Variants in DPYD observed in about 807,000 individuals in gnomAD.
DPYD encodes the protein dihydropyrimidine dehydrogenase.
DPYD carries 109 observed loss-of-function variants against 116.2 expected under a neutral mutation model. The observed-to-expected ratio is 0.94, with a 90% CI of 0.80 to 1.10. The LOEUF (loss-of-function observed/expected upper bound fraction) is 1.10, where lower values mean the gene tolerates loss of function less well. Ranked by LOEUF, DPYD falls within the 50% of genes least tolerant of loss-of-function variation. DPYD has a pLI of 0.00. For missense variants in DPYD, 1,302 were observed against 1,254.5 expected (o/e 1.04, Z -0.57); for synonymous variants, 440 against 432.0 (o/e 1.02, Z -0.23).
intron 14 of DPYD, among the ~76,000 whole-genome samples, chr1:97,387,425 G>T (rs1461476736): frequency 6.6e-6 from 1 of 152,050 alleles, no homozygotes; most frequent in Non-Finnish European, 1.5e-5. Context: ...GAACAAGACA[G>T]AAAAAGTCCC....
At chr1:97,648,336 C>T (rs901731422) in intron 8 of DPYD, among the ~76,000 whole-genome samples, 4 of 152,048 alleles carry the variant, frequency 2.6e-5, no homozygotes, top group Non-Finnish European at 5.9e-5. Flanking sequence ...TGACTTAAAA[C>T]TAAGGTAAAA....
intron 13 of DPYD, among the ~76,000 whole-genome samples, chr1:97,468,576 C>G (rs529041250): frequency 2.2e-4 from 34 of 152,340 alleles, no homozygotes; most frequent in African/African-American, 7.5e-4. Flanking sequence ...AGAAACAAAT[C>G]TGTTGTTTAG....
chr1:97,446,736 T>C (rs968578419), intron 14 of DPYD, among the ~76,000 whole-genome samples: 6 of 152,102 alleles, frequency 3.9e-5, no homozygotes, highest in African/African-American at 1.4e-4. Flanking sequence ...TATTTTTTGT[T>C]AAAAAAAATT....
intron 13 of DPYD, among the ~76,000 whole-genome samples, chr1:97,487,477 T>A (rs1471367833): frequency 3.3e-5 from 5 of 151,966 alleles, no homozygotes; most frequent in Non-Finnish European, 1.5e-5. Context: ...ATCGACACCA[T>A]CCTGGCTAAC....
intron 16 of DPYD, among the ~76,000 whole-genome samples, chr1:97,352,968 G>A (rs536880173): frequency 1.3e-5 from 2 of 152,196 alleles, no homozygotes; most frequent in East Asian, 1.9e-4. Flanking sequence ...ATCAAGCAAG[G>A]GGGGTGGGGG....
At chr1:97,194,783 G>A (rs926604126) in intron 19 of DPYD, among the ~76,000 whole-genome samples, 49 of 152,186 alleles carry the variant, frequency 3.2e-4, no homozygotes, top group African/African-American at 9.6e-4. Context: ...GATTACAGGC[G>A]TGACCCACTG....
chr1:97,259,593 G>A (rs1398048074), intron 18 of DPYD, among the ~76,000 whole-genome samples: 7 of 152,086 alleles, frequency 4.6e-5, no homozygotes, highest in Non-Finnish European at 8.8e-5. Context: ...TAGCAGATGA[G>A]ATCAGGTGGC....
At chr1:97,253,182 A>G (rs2100818535) in intron 18 of DPYD, among the ~76,000 whole-genome samples, 1 of 152,308 alleles carries the variant, frequency 6.6e-6, no homozygotes, top group African/African-American at 2.4e-5. Context: ...ATAATGTCAC[A>G]ATCAATGATT....
chr1:97,344,629 C>A (rs569188345), intron 16 of DPYD, among the ~76,000 whole-genome samples: 1 of 151,006 alleles, frequency 6.6e-6, no homozygotes, highest in Admixed American at 6.6e-5. Flanking sequence ...TTGATATATG[C>A]GAAAATTGCT....
chr1:97,255,373 T>A (rs1287431016), intron 18 of DPYD, among the ~76,000 whole-genome samples: 1 of 152,204 alleles, frequency 6.6e-6, no homozygotes, highest in Non-Finnish European at 1.5e-5. Context: ...TCATCTTGTA[T>A]TCCCACATGT....
chr1:97,807,434 T>A (rs2101366902), intron 3 of DPYD, among the ~76,000 whole-genome samples: 1 of 152,258 alleles, frequency 6.6e-6, no homozygotes, highest in African/African-American at 2.4e-5. Context: ...GCCATCTGTA[T>A]ATCTTTCTTG....
At position 97,305,703 on chromosome 1, in the gene DPYD, C is replaced by T. The variant is rs1328097283; in HGVS notation, c.2180-325G>A. 2.0e-5 allele frequency among the ~76,000 whole-genome samples: 3 copies of T among 151,898 alleles called. No individual in the cohort carries two copies. The East Asian group carries it at 5.8e-4, about 30-fold the overall frequency. ...TTCCCTGGGATGGAACACAAGCACG[C>T]ATGATTTTTGTATTCAACAGATATT... On this transcript the variant is annotated intron_variant, in intron 17 of 22. Transcript: ENST00000370192.
intron 13 of DPYD, among the ~76,000 whole-genome samples, chr1:97,485,085 G>C (rs986551667): frequency 1.3e-5 from 2 of 152,222 alleles, no homozygotes; most frequent in South Asian, 4.1e-4. Flanking sequence ...GAGATTCATT[G>C]AGCTTCCTCA....
chr1:97,913,078 A>G (rs192478746), intron 1 of DPYD, among the ~76,000 whole-genome samples: 56 of 152,240 alleles, frequency 3.7e-4, no homozygotes, highest in Admixed American at 3.5e-3. Flanking sequence ...AATCCTAAAC[A>G]TACAAAATGT....
At position 97,610,960 on chromosome 1, in the gene DPYD, G is replaced by A. The variant is rs530777241; in HGVS notation, c.851-15794C>T. Among the ~76,000 whole-genome samples the A allele has an allele frequency of 1.3e-4, 20 of 150,806 alleles. No homozygotes were observed. In the East Asian group the frequency reaches 1.7e-3, roughly 13 times the overall value. ...ATATCTCTATTTGTAACTATATATC[G>A]GTGTGTTTGTGTGTGTGTATATATA... is the stretch of plus-strand genomic sequence containing the variant. On this transcript the variant is annotated intron_variant, in intron 8 of 22. Coordinates refer to ENST00000370192, the MANE Select transcript of DPYD (RefSeq NM_000110.4).
At chr1:97,876,802 CA>C (rs1671942964) in intron 2 of DPYD, among the ~76,000 whole-genome samples, 1 of 151,894 alleles carries the variant, frequency 6.6e-6, no homozygotes, top group African/African-American at 2.4e-5. Context: ...GTCACGTTTT[CA>C]GAAAAATTGA....
chr1:97,600,121 T>A (rs1655158209), intron 8 of DPYD, among the ~76,000 whole-genome samples: 1 of 152,106 alleles, frequency 6.6e-6, no homozygotes, highest in South Asian at 2.1e-4. Context: ...CCAATTCTTA[T>A]TATTTCACAC....
chr1:97,697,311 G>C (rs1259489758), intron 6 of DPYD, among the ~76,000 whole-genome samples: 5 of 151,682 alleles, frequency 3.3e-5, no homozygotes, highest in Admixed American at 6.6e-5. Flanking sequence ...AAAAGAATCT[G>C]TTTGGATGCA....
chr1:97,443,273 C>T (rs1436930604), intron 14 of DPYD, among the ~76,000 whole-genome samples: 2 of 151,954 alleles, frequency 1.3e-5, no homozygotes, highest in African/African-American at 4.8e-5. Context: ...TTTTAAATGT[C>T]CACAAAATAA....
Sources: allele counts gnomAD v4.1 joint callset (sites outside exome capture counted in the v4.1 genomes callset), GRCh38; gene constraint gnomAD v4.1.1; transcripts MANE v1.5; gene names NCBI Gene and HGNC (gene_info 2026-07-23, HGNC 2026-07-21).